B3GLCT: variants seen among roughly 807,000 people sequenced by gnomAD.
The protein encoded by B3GLCT is beta 3-glucosyltransferase.
In B3GLCT, 65 loss-of-function variants were observed where a neutral mutation model predicts 63.4. That is an observed-to-expected ratio of 1.03 (90% CI 0.84 to 1.26). The LOEUF (loss-of-function observed/expected upper bound fraction) is 1.26, where lower values mean the gene tolerates loss of function less well. Ranked by LOEUF, B3GLCT falls within the 50% of genes most tolerant of loss-of-function variation. The pLI is 0.00. For missense variants in B3GLCT, 577 were observed against 604.8 expected (o/e 0.95, Z 0.48); for synonymous variants, 233 against 219.2 (o/e 1.06, Z -0.55).
chr13:31,247,894 C>A lies in B3GLCT; in HGVS notation c.387C>A (p.Phe129Leu). The change falls in exon 6 of 15, where the codon TTC becomes TTA. Residue 129 changes from phenylalanine to leucine, a missense_variant. Coordinates refer to ENST00000343307, the MANE Select transcript of B3GLCT (RefSeq NM_194318.4). ...ATAGCAGAAATTCATCTTGGATTTT[C>A]TTCTGTGAAGAAGAGACAAGAATAC... ...VTYSRNSSWI[F>L]FCEEETRIQI... The A allele has an allele frequency of 6.2e-7, 1 of 1,610,998 alleles. No homozygotes were observed. The highest frequency in any genetic ancestry group is 8.5e-7 in the Non-Finnish European group (1 of 1,177,496).
At chr13:31,243,790 T>A (rs1871065603) in intron 4 of B3GLCT, among the ~76,000 whole-genome samples, 1 of 152,266 alleles carries the variant, frequency 6.6e-6, no homozygotes, top group South Asian at 2.1e-4. Flanking sequence ...AGGCTTCCTG[T>A]CTTCAAAGTG....
chr13:31,296,986 ACT>A (rs1166451597), intron 12 of B3GLCT, among the ~76,000 whole-genome samples: 3 of 148,092 alleles, frequency 2.0e-5, no homozygotes, highest in Non-Finnish European at 4.5e-5. Context: ...GATTTTGACT[ACT>A]CTCAGTACCT....
chr13:31,213,909 T>C (rs1294484268), intron 1 of B3GLCT, among the ~76,000 whole-genome samples: 1 of 152,154 alleles, frequency 6.6e-6, no homozygotes, highest in East Asian at 1.9e-4. Context: ...CCTTTTGAAA[T>C]GTCATTCTGG....
intron 12 of B3GLCT, among the ~76,000 whole-genome samples, chr13:31,316,608 A>G (rs979417551): frequency 2.0e-5 from 3 of 150,880 alleles, no homozygotes; most frequent in African/African-American, 7.3e-5. Flanking sequence ...TTGGAACAGG[A>G]ATATTTACCC....
At chr13:31,210,384 C>G (rs1352139612) in intron 1 of B3GLCT, among the ~76,000 whole-genome samples, 1 of 152,194 alleles carries the variant, frequency 6.6e-6, no homozygotes, top group African/African-American at 2.4e-5. Context: ...CCTACTGAAT[C>G]TGGAAATTAA....
chr13:31,219,683 A>G (rs1199884824), intron 2 of B3GLCT, among the ~76,000 whole-genome samples: 1 of 152,186 alleles, frequency 6.6e-6, no homozygotes, highest in Non-Finnish European at 1.5e-5. Context: ...GCTGTTTTGA[A>G]GATTAAGTGT....
intron 5 of B3GLCT, among the ~76,000 whole-genome samples, chr13:31,247,462 A>T (rs530571768): frequency 1.3e-5 from 2 of 152,058 alleles, no homozygotes; most frequent in African/African-American, 2.4e-5. Flanking sequence ...TTTAGTATAG[A>T]TGAGATTTTA....
chr13:31,247,974 T>C lies in B3GLCT; in HGVS notation c.459+8T>C. The C allele has an allele frequency of 7.2e-7, 1 of 1,383,128 alleles. No homozygotes were observed. The highest frequency in any genetic ancestry group is 1.4e-5 in the African/African-American group (1 of 70,370). The allele number at this position is 1,383,128 out of a possible 1,614,324, so 85.7% of individuals were successfully genotyped here. On this transcript the variant is annotated splice_region_variant and intron_variant, in intron 6 of 14. Coordinates refer to ENST00000343307, the MANE Select transcript of B3GLCT (RefSeq NM_194318.4). ...AGATATGACCCCTCTAAGGTGAATA[T>C]AACTTCAATACCAGTTCTTATTTTG...
chr13:31,203,601 A>G (rs1868792557), intron 1 of B3GLCT, among the ~76,000 whole-genome samples: 2 of 152,226 alleles, frequency 1.3e-5, no homozygotes, highest in South Asian at 4.1e-4. Flanking sequence ...GCAAGCAAGC[A>G]AGCATAATTT....
rs1352779068 is a variant in B3GLCT at position 31,332,242 on chromosome 13, A to G, written c.*2574A>G. The stretch of plus-strand genomic sequence containing the variant: ...ATTCATAATCAGAGATGTAATTTGT[A>G]TGGACTAAATAAAAACTTTATTATG... On this transcript the variant is annotated 3_prime_UTR_variant, in exon 15 of 15. Transcript: ENST00000343307. 1.3e-5 allele frequency: 2 copies of G among 152,126 alleles called. No homozygotes were observed. The highest frequency in any genetic ancestry group is 4.8e-5 in the African/African-American group (2 of 41,446). 9.4% of individuals were successfully genotyped at this position (152,126 alleles called of 1,614,324 possible).
intron 7 of B3GLCT, among the ~76,000 whole-genome samples, chr13:31,267,513 A>G (rs966363218): frequency 1.3e-5 from 2 of 152,216 alleles, no homozygotes; most frequent in Non-Finnish European, 2.9e-5. Context: ...TTTTTCTCTT[A>G]AGTATATATT....
chr13:31,206,616 T>C lies in B3GLCT; in HGVS notation c.70+6462T>C, dbSNP rs570040921. 3.2e-3 allele frequency among the ~76,000 whole-genome samples: 458 copies of C among 144,822 alleles called. 3 individuals carry two copies. Among genetic ancestry groups the C allele is most frequent in the Non-Finnish European group, 4.8e-3 (317 of 66,690 alleles). ...AAAAAAAAAAAAAGGTAGCCGGGCA[T>C]GGTGGCGGGTGCTTGTAATCCCAGC... On this transcript the variant is annotated intron_variant, in intron 1 of 14. Transcript: ENST00000343307.
chr13:31,241,252 G>A (rs548620394), intron 4 of B3GLCT, among the ~76,000 whole-genome samples: 168 of 152,332 alleles, frequency 1.1e-3, no homozygotes, highest in African/African-American at 3.9e-3. Context: ...CCAGGTGCTC[G>A]GGCTTCCCAA....
intron 6 of B3GLCT, among the ~76,000 whole-genome samples, chr13:31,257,150 A>C (rs1317033350): frequency 6.6e-6 from 1 of 152,228 alleles, no homozygotes; most frequent in African/African-American, 2.4e-5. Context: ...ACTGCAATTA[A>C]GAGATAAAAC....
chr13:31,222,447 C>A (rs963371124), intron 2 of B3GLCT, among the ~76,000 whole-genome samples: 3 of 152,140 alleles, frequency 2.0e-5, no homozygotes, highest in African/African-American at 4.8e-5. Context: ...TAGGACTACT[C>A]CTCAGGTTGG....
At chr13:31,311,709 T>G (rs749392692) in intron 12 of B3GLCT, 2 of 152,146 alleles carry the variant, frequency 1.3e-5, no homozygotes, top group Non-Finnish European at 2.9e-5. Context: ...GGTCCACATG[T>G]CTTTATGTCT....
At chr13:31,310,504 A>G (rs921646192) in intron 12 of B3GLCT, among the ~76,000 whole-genome samples, 1 of 152,172 alleles carries the variant, frequency 6.6e-6, no homozygotes, top group Non-Finnish European at 1.5e-5. Flanking sequence ...CCTAGACCTC[A>G]GGATTCCCTG....
chr13:31,200,639 G>T (rs1868608178), intron 1 of B3GLCT, among the ~76,000 whole-genome samples: 1 of 151,826 alleles, frequency 6.6e-6, no homozygotes, highest in East Asian at 1.9e-4. Flanking sequence ...AGCCGGCGAG[G>T]CGGCCCTCGA....
intron 1 of B3GLCT, among the ~76,000 whole-genome samples, chr13:31,200,971 G>A (rs185428720): frequency 1.1e-4 from 17 of 150,314 alleles, no homozygotes. Context: ...CCTCGCAAGG[G>A]CATTTCCCCC....
Sources: gnomAD v4.1 joint callset for allele counts (sites outside exome capture counted in the v4.1 genomes callset) on GRCh38, gnomAD v4.1.1 for gene constraint, MANE v1.5 for transcripts, NCBI Gene and HGNC (gene_info 2026-07-23, HGNC 2026-07-21) for gene names.